Variants in DPP6 observed in about 807,000 individuals in gnomAD.
DPP6 encodes dipeptidyl peptidase like 6.
In DPP6, 69 loss-of-function variants were observed where a neutral mutation model predicts 122.6. The observed-to-expected ratio is 0.56, with a 90% CI of 0.46 to 0.69. The LOEUF (loss-of-function observed/expected upper bound fraction) is 0.69, where lower values mean the gene tolerates loss of function less well. DPP6 is among the 30% of genes least tolerant of loss of function. The probability of loss-of-function intolerance (pLI) is 0.00; values close to 1 mark genes in which losing one functional copy is unlikely to be tolerated. For missense variants in DPP6, 928 were observed against 1,116.9 expected, an observed-to-expected ratio of 0.83 and a Z score of 2.41; for synonymous variants, 418 against 433.1, an observed-to-expected ratio of 0.97 and a Z score of 0.43.
chr7:154,580,923 G>A lies in DPP6; in HGVS notation c.627+14007G>A, dbSNP rs546647950. On this transcript the variant is annotated intron_variant, in intron 5 of 25. Coordinates refer to ENST00000377770, the MANE Select transcript of DPP6 (RefSeq NM_130797.4). ...AAAAGTCAACATAAAAATTTAACAC[G>A]GGTCCCTTCTGCTGACAGAAGCCTT... Among the ~76,000 whole-genome samples, 22 of 152,234 alleles carry A rather than the reference G, an allele frequency of 1.4e-4. 1 individual carries two copies. Among genetic ancestry groups the A allele is most frequent in the African/African-American group, 4.6e-4 (19 of 41,542 alleles).
chr7:154,859,533 T>C (rs771366826), intron 17 of DPP6, among the ~76,000 whole-genome samples: 1 of 152,254 alleles, frequency 6.6e-6, no homozygotes, highest in Admixed American at 6.5e-5. Flanking sequence ...CAGAATTCTT[T>C]GTCCTTTCCC....
the DPP6 span, among the ~76,000 whole-genome samples, chr7:153,865,485 C>T: frequency 1.3e-5 from 2 of 152,140 alleles, no homozygotes; most frequent in African/African-American, 4.8e-5. Context: ...CTCATAACTA[C>T]AGCTTGGGGT....
intron 2 of DPP6, among the ~76,000 whole-genome samples, chr7:154,457,896 G>A (rs1444881814): frequency 5.9e-5 from 4 of 67,406 alleles, no homozygotes; most frequent in African/African-American, 1.1e-4. Flanking sequence ...TGGGTGCAGC[G>A]CACCAGCATG....
intron 1 of DPP6, among the ~76,000 whole-genome samples, chr7:154,228,768 GTTCAAAACACTTTT>G (rs1800752652): frequency 6.6e-6 from 1 of 152,084 alleles, no homozygotes; most frequent in Non-Finnish European, 1.5e-5. Flanking sequence ...GCTCCATCAA[GTTCAAAACACTTTT>G]TAAAGCAATG....
intron 1 of DPP6, among the ~76,000 whole-genome samples, chr7:154,046,548 C>T (rs189084833): frequency 6.6e-6 from 1 of 152,316 alleles, no homozygotes; most frequent in East Asian, 1.9e-4. Context: ...CAATCACATG[C>T]TCCGCTATAT....
At chr7:154,088,368 C>T (rs550359742) in intron 1 of DPP6, among the ~76,000 whole-genome samples, 1 of 147,178 alleles carries the variant, frequency 6.8e-6, no homozygotes, top group South Asian at 2.2e-4. Context: ...TCTTCTGAGA[C>T]ACTGGTGGCT....
chr7:153,779,094 C>G, the DPP6 span, among the ~76,000 whole-genome samples: 1 of 147,592 alleles, frequency 6.8e-6, no homozygotes, highest in East Asian at 1.9e-4. Context: ...GCTATGAACT[C>G]TATTATTTCA....
chr7:153,979,045 A>G (rs1438763845), intron 1 of DPP6, among the ~76,000 whole-genome samples: 1 of 151,934 alleles, frequency 6.6e-6, no homozygotes, highest in Non-Finnish European at 1.5e-5. Context: ...TCGGTTCCAT[A>G]TGAAATTTAA....
At chr7:154,075,404 C>A (rs1380843028) in intron 1 of DPP6, among the ~76,000 whole-genome samples, 1 of 151,470 alleles carries the variant, frequency 6.6e-6, no homozygotes, top group Non-Finnish European at 1.5e-5. Flanking sequence ...ATGGAACCAG[C>A]CTAAATGTTC....
At chr7:154,106,478 G>T in intron 1 of DPP6, among the ~76,000 whole-genome samples, 1 of 132,288 alleles carries the variant, frequency 7.6e-6, no homozygotes, top group Non-Finnish European at 1.6e-5. Context: ...CTCTGTCCCT[G>T]CACTGGGCTG....
At chr7:154,384,717 TTTTC>T (rs202128841) in intron 1 of DPP6, among the ~76,000 whole-genome samples, 2 of 114,332 alleles carry the variant, frequency 1.7e-5, no homozygotes, top group African/African-American at 2.9e-5. Context: ...TAAGTTCTTT[TTTTC>T]TTTCTTTCTT....
chr7:154,719,001 G>C (rs1265683921), intron 7 of DPP6, among the ~76,000 whole-genome samples: 2 of 152,086 alleles, frequency 1.3e-5, no homozygotes, highest in African/African-American at 2.4e-5. Context: ...CACTCTTCTT[G>C]TGTCTGAACA....
chr7:154,496,060 C>CA (rs1370010415), intron 3 of DPP6, among the ~76,000 whole-genome samples: 7 of 152,238 alleles, frequency 4.6e-5, no homozygotes, highest in Non-Finnish European at 7.4e-5. Flanking sequence ...ATTTAGTAGG[C>CA]AAAATCTTAA....
chr7:154,335,306 AAAACAAAAC>A (rs1036885802), intron 1 of DPP6, among the ~76,000 whole-genome samples: 22 of 151,814 alleles, frequency 1.4e-4, no homozygotes, highest in African/African-American at 5.3e-4. Flanking sequence ...TATTTCTTAA[AAAACAAAAC>A]AAAACAAAAC....
intron 1 of DPP6, among the ~76,000 whole-genome samples, chr7:154,223,610 GA>G (rs1419862449): frequency 1.3e-5 from 2 of 149,280 alleles, no homozygotes; most frequent in Middle Eastern, 3.4e-3. Flanking sequence ...GAAGAATGGT[GA>G]AAAGAATGTT....
At chr7:153,924,093 A>C (rs533001154) in intron 1 of DPP6, among the ~76,000 whole-genome samples, 1 of 152,102 alleles carries the variant, frequency 6.6e-6, no homozygotes, top group South Asian at 2.1e-4. Flanking sequence ...GTAACATAAA[A>C]TAACAGTAAT....
chr7:154,704,811 G>T (rs1195744824), intron 7 of DPP6, among the ~76,000 whole-genome samples: 2 of 152,220 alleles, frequency 1.3e-5, no homozygotes, highest in Non-Finnish European at 2.9e-5. Context: ...AAAGATTTCT[G>T]TGACTCCCTT....
At position 154,381,542 on chromosome 7, in the gene DPP6, AT is replaced by A. The variant is rs142037442; in HGVS notation, c.244-64671del. Among the ~76,000 whole-genome samples, 608 of 152,342 alleles carry A rather than the reference AT, an allele frequency of 4.0e-3. 6 individuals are homozygous for A. The highest frequency in any genetic ancestry group is 0.014 in the African/African-American group (589 of 41,576). On this transcript the variant is annotated intron_variant, in intron 1 of 25. Coordinates refer to ENST00000377770, the MANE Select transcript of DPP6 (RefSeq NM_130797.4). ...TGTATGACAAAAGTTTCATCAGACC[AT>A]CCGTACGCTCACACTTTGATGTTTA...
intron 7 of DPP6, among the ~76,000 whole-genome samples, chr7:154,713,697 C>T (rs1039201196): frequency 2.6e-5 from 4 of 152,178 alleles, no homozygotes; most frequent in Admixed American, 1.3e-4. Context: ...CAGAGGGGCC[C>T]TGGGTCCAGG....
Sources: gnomAD v4.1 joint callset for allele counts (sites outside exome capture counted in the v4.1 genomes callset) on GRCh38, gnomAD v4.1.1 for gene constraint, MANE v1.5 for transcripts, NCBI Gene and HGNC (gene_info 2026-07-23, HGNC 2026-07-21) for gene names.